The following ATP11A variants were observed in gnomAD, a reference collection of about 807,000 sequenced individuals.
The protein encoded by ATP11A is ATPase phospholipid transporting 11A.
ATP11A carries 81 observed loss-of-function variants against 154.4 expected under a neutral mutation model. That is an observed-to-expected ratio of 0.52 (90% CI 0.44 to 0.63). The LOEUF (loss-of-function observed/expected upper bound fraction) is 0.63, where lower values mean the gene tolerates loss of function less well. Ranked by LOEUF, ATP11A falls within the 30% of genes least tolerant of loss-of-function variation. ATP11A has a pLI of 0.00. For synonymous variants in ATP11A, 623 were observed against 585.9 expected (o/e 1.06, Z -0.91); for missense variants, 1,316 against 1,474.3 (o/e 0.89, Z 1.76).
chr13:112,791,208 C>A lies in ATP11A; in HGVS notation c.162+5951C>A, dbSNP rs753491874. Among the ~76,000 whole-genome samples the A allele has an allele frequency of 3.5e-4, 53 of 152,358 alleles. 1 individual carries two copies. Among genetic ancestry groups the A allele is most frequent in the Admixed American group, 2.0e-4 (3 of 15,312 alleles). ...GAGGTACAGAGAGGCAGGAAGCACC[C>A]AGGTGTCCACATACGGTGCCATTGT... On this transcript the variant is annotated intron_variant, in intron 2 of 29. Transcript: ENST00000375645.
At position 112,851,232 on chromosome 13, in the gene ATP11A, A is replaced by G; in HGVS notation, c.1991+14A>G. 1.9e-6 allele frequency: 3 copies of G among 1,608,562 alleles called. No homozygotes were observed. Among genetic ancestry groups the G allele is most frequent in the Non-Finnish European group, 2.5e-6 (3 of 1,177,100 alleles). On this transcript the variant is annotated intron_variant, in intron 18 of 29. Transcript: ENST00000375645. Reference sequence around the variant, plus strand: ...TGTTGAGGACCGGTAAAGTAAACGCATGCATCCCGTCCTGAGAGACAAACT... The same window carrying G: ...TGTTGAGGACCGGTAAAGTAAACGCGTGCATCCCGTCCTGAGAGACAAACT...
chr13:112,780,016 ATGG>A (rs2077459756), intron 1 of ATP11A, among the ~76,000 whole-genome samples: 1 of 152,152 alleles, frequency 6.6e-6, no homozygotes, highest in African/African-American at 2.4e-5. Flanking sequence ...AGCAAGTTTG[ATGG>A]TGGTAGTTGT....
At chr13:112,709,735 C>G (rs1323879769) in intron 1 of ATP11A, among the ~76,000 whole-genome samples, 1 of 142,606 alleles carries the variant, frequency 7.0e-6, no homozygotes, top group Non-Finnish European at 1.6e-5. Flanking sequence ...ATTTAAGTCT[C>G]ATGCCTCCCT....
Position 112,873,557 on chromosome 13 carries a change from T to C in ATP11A, c.3058-16T>C, listed in dbSNP as rs2080614400. ...TCAGATGACACCGTTAACTGCCCTT[T>C]TTTTTTTCCTTTTAGCTTGCATTGG... On this transcript the variant is annotated splice_polypyrimidine_tract_variant and intron_variant, in intron 26 of 29. Coordinates refer to ENST00000375645, the MANE Select transcript of ATP11A (RefSeq NM_015205.3). 1 of 1,579,970 alleles carries C rather than the reference T, an allele frequency of 6.3e-7. No homozygotes were observed. Among genetic ancestry groups the C allele is most frequent in the Non-Finnish European group, 8.6e-7 (1 of 1,166,258 alleles).
At chr13:112,737,246 G>A (rs1420781593) in intron 1 of ATP11A, among the ~76,000 whole-genome samples, 3 of 152,182 alleles carry the variant, frequency 2.0e-5, no homozygotes, top group African/African-American at 7.2e-5. Context: ...ACCTTGGCAG[G>A]TGGGAGGGTC....
chr13:112,748,883 A>C (rs1258375677), intron 1 of ATP11A, among the ~76,000 whole-genome samples: 1 of 152,236 alleles, frequency 6.6e-6, no homozygotes, highest in Non-Finnish European at 1.5e-5. Context: ...CTTCGAGGTC[A>C]TGCCAGTGTC....
intron 1 of ATP11A, among the ~76,000 whole-genome samples, chr13:112,725,086 C>T (rs1046592494): frequency 2.6e-5 from 4 of 152,184 alleles, no homozygotes; most frequent in Non-Finnish European, 5.9e-5. Flanking sequence ...CGTAGGTTGC[C>T]GGCCATGCAT....
intron 2 of ATP11A, among the ~76,000 whole-genome samples, chr13:112,798,217 C>T (rs1423987345): frequency 2.0e-5 from 3 of 152,200 alleles, no homozygotes; most frequent in African/African-American, 7.2e-5. Context: ...TTGGCAACAC[C>T]TGAATTTTGG....
At chr13:112,853,372 A>T (rs2079831198) in intron 18 of ATP11A, among the ~76,000 whole-genome samples, 1 of 152,068 alleles carries the variant, frequency 6.6e-6, no homozygotes, top group Non-Finnish European at 1.5e-5. Context: ...TGATTGTCTG[A>T]TCTTGAGACT....
At chr13:112,849,239 A>G (rs534500826) in intron 17 of ATP11A, among the ~76,000 whole-genome samples, 2 of 152,300 alleles carry the variant, frequency 1.3e-5, no homozygotes, top group Admixed American at 6.5e-5. Flanking sequence ...TCAGTTTGCT[A>G]GTATTTTGTT....
chr13:112,790,590 G>A (rs527626112), intron 2 of ATP11A, among the ~76,000 whole-genome samples: 4 of 148,082 alleles, frequency 2.7e-5, no homozygotes, highest in Non-Finnish European at 4.5e-5. Context: ...AATTCACACC[G>A]GGTGTCCTGA....
intron 27 of ATP11A, among the ~76,000 whole-genome samples, chr13:112,874,333 A>G (rs1159141552): frequency 6.6e-6 from 1 of 152,222 alleles, no homozygotes; most frequent in Non-Finnish European, 1.5e-5. Context: ...GCCGGCCGTG[A>G]GGATCCTGGC....
chr13:112,706,075 T>G (rs1887109949), intron 1 of ATP11A, among the ~76,000 whole-genome samples: 1 of 152,216 alleles, frequency 6.6e-6, no homozygotes, highest in African/African-American at 2.4e-5. Flanking sequence ...GCTTGCTTTT[T>G]GGGCAACACT....
chr13:112,725,098 C>T (rs1248124064), intron 1 of ATP11A, among the ~76,000 whole-genome samples: 5 of 152,184 alleles, frequency 3.3e-5, no homozygotes, highest in Admixed American at 6.5e-5. Flanking sequence ...GCCATGCATA[C>T]CTGGGGGAAG....
At chr13:112,711,495 TCCAA>T (rs1887746134) in intron 1 of ATP11A, among the ~76,000 whole-genome samples, 1 of 150,280 alleles carries the variant, frequency 6.7e-6, no homozygotes, top group African/African-American at 2.5e-5. Flanking sequence ...GAACCTGAGA[TCCAA>T]TTTTAAATCC....
intron 25 of ATP11A, among the ~76,000 whole-genome samples, chr13:112,863,663 A>T (rs76027280): frequency 3.4e-5 from 2 of 58,424 alleles, no homozygotes; most frequent in African/African-American, 6.9e-5. Flanking sequence ...TCCCAGCGGG[A>T]TCCATCACCA....
chr13:112,881,304 C>T (rs762788550), intron 29 of ATP11A: 147 of 1,000,724 alleles, frequency 1.5e-4, no homozygotes, highest in South Asian at 1.8e-4. Context: ...AGGCCCCATC[C>T]GTATGGTGAC....
rs573112834 is a variant in ATP11A at position 112,785,768 on chromosome 13, A to G, written c.162+511A>G. On this transcript the variant is annotated intron_variant, in intron 2 of 29. Coordinates refer to ENST00000375645, the MANE Select transcript of ATP11A (RefSeq NM_015205.3). This position sits in a 1 kb window ranked among gnomAD's most constrained non-coding sequence, Gnocchi z 4.8. ...AAGCACAAGCAGAGTGCCGCGGTCT[A>G]AACGAAGCGTGTTTCTCTCCATGGA... is the stretch of plus-strand genomic sequence containing the variant. Among the ~76,000 whole-genome samples the G allele has an allele frequency of 7.9e-5, 12 of 152,338 alleles. No individual in the cohort carries two copies. The South Asian group carries it at 2.5e-3, about 32-fold the overall frequency.
intron 27 of ATP11A, among the ~76,000 whole-genome samples, 176 bp downstream of exon 27, chr13:112,873,852 CG>C (rs1566602631): frequency 2.0e-5 from 3 of 151,752 alleles, no homozygotes; most frequent in Non-Finnish European, 2.9e-5. Context: ...GGCAAGACAC[CG>C]GGGGGTTCCT....
Sources: allele counts gnomAD v4.1 joint callset (sites outside exome capture counted in the v4.1 genomes callset), GRCh38; gene constraint gnomAD v4.1.1; non-coding constraint Gnocchi (gnomAD v3.1); transcripts MANE v1.5; gene names NCBI Gene and HGNC (gene_info 2026-07-23, HGNC 2026-07-21).